The following ACO1 variants were observed in gnomAD, a reference collection of about 807,000 sequenced individuals.
ACO1 encodes cytoplasmic aconitate hydratase.
ACO1 carries 78 observed loss-of-function variants against 105.1 expected under a neutral mutation model. The observed-to-expected ratio is 0.74, with a 90% CI of 0.62 to 0.90. ACO1 has a LOEUF of 0.90. Among genes scored for constraint, ACO1 ranks in the 40% least tolerant of loss-of-function variants. ACO1 has a pLI of 0.00. For synonymous variants in ACO1, 364 were observed against 397.4 expected, an observed-to-expected ratio of 0.92 and a Z score of 1.00; for missense variants, 965 against 1,111.1, an observed-to-expected ratio of 0.87 and a Z score of 1.87.
At chr9:32,437,571 C>G (rs1016182194) in intron 18 of ACO1, among the ~76,000 whole-genome samples, 1 of 151,224 alleles carries the variant, frequency 6.6e-6, no homozygotes, top group Admixed American at 6.6e-5. Context: ...CCCTAATAAA[C>G]ATCACAGTGT....
chr9:32,448,185 G>A (rs1347039629), intron 19 of ACO1, among the ~76,000 whole-genome samples: 1 of 152,194 alleles, frequency 6.6e-6, no homozygotes, highest in African/African-American at 2.4e-5. Flanking sequence ...GGAGATGGGG[G>A]TGTTATCTAT....
rs1422968137 is a variant in ACO1, at chr9:32,452,060, G to A, written c.*1949G>A. 4 of 124,448 alleles carry A rather than the reference G, an allele frequency of 3.2e-5. No homozygotes were observed. Among genetic ancestry groups the A allele is most frequent in the South Asian group, 2.9e-4 (1 of 3,436 alleles). The allele number at this position is 124,448 out of a possible 1,614,324, so 7.7% of individuals were successfully genotyped here. A position where few individuals can be genotyped will look rare whatever the true frequency, so the allele number is the denominator to read the frequency against. On this transcript the variant is annotated 3_prime_UTR_variant, in exon 21 of 21. Coordinates refer to ENST00000309951, the MANE Select transcript of ACO1 (RefSeq NM_002197.3). The stretch of plus-strand genomic sequence containing the variant: ...GCCTGGGCTACAAGAGCAAAGCTCC[G>A]TCTCAAAAAAAAAAAAAAATTACAA...
At chr9:32,442,929 C>T in intron 19 of ACO1, among the ~76,000 whole-genome samples, 1 of 152,122 alleles carries the variant, frequency 6.6e-6, no homozygotes. Context: ...AGTGCCTCTA[C>T]ATTATGAGCA....
chr9:32,410,026 G>C (rs1382041415), intron 4 of ACO1, among the ~76,000 whole-genome samples: 1 of 152,180 alleles, frequency 6.6e-6, no homozygotes, highest in Non-Finnish European at 1.5e-5. Context: ...TAGGAGCCAA[G>C]TAGTAATGGT....
chr9:32,426,592 C>A (rs776907898), intron 11 of ACO1, among the ~76,000 whole-genome samples: 5 of 152,184 alleles, frequency 3.3e-5, no homozygotes, highest in Non-Finnish European at 7.3e-5. Context: ...GAAGCAGACA[C>A]GGGCATTAGG....
rs1416376400 is a variant in ACO1, at chr9:32,439,157, C to A, written c.2248-1308C>A. Among the ~76,000 whole-genome samples, 2 of 152,134 alleles carry A rather than the reference C, an allele frequency of 1.3e-5. No individual in the cohort carries two copies. Among genetic ancestry groups the A allele is most frequent in the Non-Finnish European group, 2.9e-5 (2 of 68,022 alleles). On this transcript the variant is annotated intron_variant, in intron 18 of 20. Transcript: ENST00000309951. The surrounding 1 kb of genome is among the most constrained non-coding windows in gnomAD (Gnocchi z 4.0). ...CTTTGCCATGAGATTGTCAACTTTG[C>A]AGTACTTTTTAAAGCACACACTCTC...
rs760606540 is a variant in ACO1 at position 32,418,485 on chromosome 9, T to C, written c.632T>C (p.Ile211Thr). The change falls in exon 6 of 21, where the codon ATT (isoleucine) becomes ACT (threonine). Residue 211 changes from isoleucine (I) to threonine (T), a missense_variant. Ile to Thr is a moderately conservative substitution (Grantham distance 89, BLOSUM62 -1). Coordinates refer to ENST00000309951, the MANE Select transcript of ACO1 (RefSeq NM_002197.3). The part of the protein sequence containing the change: ...LVGTDSHTTM[I>T]DGLGILGWGV... ...GGCACAGACTCGCACACTACCATGA[T>C]TGATGGCTTGGGCATTCTTGGTTGG... 1 of 1,613,618 alleles carries C rather than the reference T, an allele frequency of 6.2e-7. No homozygotes were observed. Among genetic ancestry groups the C allele is most frequent in the Non-Finnish European group, 8.5e-7 (1 of 1,179,518 alleles).
chr9:32,429,827 A>G (rs1465029162), intron 13 of ACO1, among the ~76,000 whole-genome samples: 1 of 152,208 alleles, frequency 6.6e-6, no homozygotes, highest in Non-Finnish European at 1.5e-5. Context: ...TTTCACTACA[A>G]AGGGCTCTAC....
At chr9:32,424,718 T>C in intron 10 of ACO1, 53 bp downstream of exon 10, 1 of 1,224,144 alleles carries the variant, frequency 8.2e-7, no homozygotes, top group Non-Finnish European at 1.2e-6. Flanking sequence ...TCTTGCCTGG[T>C]TACTCAGCGT....
intron 1 of ACO1, among the ~76,000 whole-genome samples, chr9:32,399,215 A>G (rs1821436935): frequency 1.3e-5 from 2 of 152,214 alleles, no homozygotes; most frequent in Non-Finnish European, 2.9e-5. Context: ...TTAATAGCTC[A>G]GTTAAGTCCC....
chr9:32,426,240 G>A (rs1160621992), intron 11 of ACO1, among the ~76,000 whole-genome samples: 1 of 152,212 alleles, frequency 6.6e-6, no homozygotes, highest in African/African-American at 2.4e-5. Context: ...AATAAGTAGA[G>A]GAAAGCAAAG....
chr9:32,429,851 A>G (rs1223767020), intron 13 of ACO1, among the ~76,000 whole-genome samples: 1 of 152,210 alleles, frequency 6.6e-6, no homozygotes, highest in Non-Finnish European at 1.5e-5. Flanking sequence ...TGTTTGTTAT[A>G]GGTATTGGGT....
chr9:32,440,339 A>C lies in ACO1; in HGVS notation c.2248-126A>C. On this transcript the variant is annotated intron_variant, in intron 18 of 20. Transcript: ENST00000309951. ...GATCAAGATAATTGGGAATTTGTAG[A>C]CAAGATGATTGGACGGATTTGGCCA... 6.4e-6 allele frequency: 6 copies of C among 940,444 alleles called. No homozygotes were observed. The Admixed American group carries it at 7.0e-5, about 11-fold the overall frequency. 58.3% of individuals were successfully genotyped at this position (940,444 alleles called of 1,614,324 possible). A position where few individuals can be genotyped will look rare whatever the true frequency, so the allele number is the denominator to read the frequency against.
intron 12 of ACO1, among the ~76,000 whole-genome samples, chr9:32,428,258 T>G (rs1412138944): frequency 1.4e-5 from 2 of 138,146 alleles, no homozygotes; most frequent in Non-Finnish European, 3.1e-5. Flanking sequence ...TACTCCAGTT[T>G]GGGTGACAGC....
rs762781546 is a variant in ACO1, at chr9:32,430,483, C to T, written c.1635C>T (p.Asn545=). The T allele has an allele frequency of 6.2e-7, 1 of 1,612,352 alleles. No homozygotes were observed. Among genetic ancestry groups the T allele is most frequent in the South Asian group, 1.1e-5 (1 of 90,488 alleles). Residue 545 remains asparagine (N), a synonymous_variant, in exon 14 of 21, where the codon AAC becomes AAT. Transcript: ENST00000309951. The part of the protein sequence containing the change: ...NRNFEGRVHP[N]TRANYLASPP... ...ATTTTGAAGGTCGAGTTCACCCCAACACCCGGGCCAACTATTTAGCCTCTC... is the reference window on the plus strand; with the variant it reads ...ATTTTGAAGGTCGAGTTCACCCCAATACCCGGGCCAACTATTTAGCCTCTC...
intron 4 of ACO1, among the ~76,000 whole-genome samples, chr9:32,409,343 G>T (rs564344001): frequency 3.3e-5 from 5 of 152,288 alleles, no homozygotes; most frequent in Admixed American, 3.3e-4. Context: ...GAGCTGAGCA[G>T]ATAAATAGGC....
intron 1 of ACO1, among the ~76,000 whole-genome samples, chr9:32,402,450 T>C (rs1000032785): frequency 6.6e-5 from 10 of 152,182 alleles, no homozygotes; most frequent in African/African-American, 1.4e-4. Flanking sequence ...AAGAACAAAG[T>C]AGCAGGAGGA....
At position 32,413,060 on chromosome 9, in the gene ACO1, G is replaced by A. The variant is rs1671353949; in HGVS notation, c.404+4409G>A. Among the ~76,000 whole-genome samples the A allele has an allele frequency of 2.0e-5, 3 of 151,340 alleles. No individual in the cohort carries two copies. In the South Asian group the frequency reaches 6.2e-4, roughly 31 times the overall value. On this transcript the variant is annotated intron_variant, in intron 4 of 20. Coordinates refer to ENST00000309951, the MANE Select transcript of ACO1 (RefSeq NM_002197.3). ...TTTTAGACCTTGACTCTAATCAATTGTGGTTTCAGTTTTTTATAGACCTTT... is the reference window on the plus strand; with the variant it reads ...TTTTAGACCTTGACTCTAATCAATTATGGTTTCAGTTTTTTATAGACCTTT...
At position 32,436,541 on chromosome 9, in the gene ACO1, C is replaced by T. The variant is rs1490181324; in HGVS notation, c.2247+144C>T. The T allele has an allele frequency of 3.4e-6, 3 of 887,060 alleles. No homozygotes were observed. The African/African-American group carries it at 5.0e-5, about 15-fold the overall frequency. 54.9% of individuals were successfully genotyped at this position (887,060 alleles called of 1,614,324 possible). A position where few individuals can be genotyped will look rare whatever the true frequency, so the allele number is the denominator to read the frequency against. On this transcript the variant is annotated intron_variant, in intron 18 of 20. Coordinates refer to ENST00000309951, the MANE Select transcript of ACO1 (RefSeq NM_002197.3). The stretch of plus-strand genomic sequence containing the variant: ...AACTACAGTCCTCCTTGCCAGGTGT[C>T]CATATGCATAGAATGTATCATTGAC...
Sources: gnomAD v4.1 joint callset for allele counts (sites outside exome capture counted in the v4.1 genomes callset) on GRCh38, gnomAD v4.1.1 for gene constraint, Gnocchi (gnomAD v3.1) non-coding constraint, MANE v1.5 for transcripts, NCBI Gene and HGNC (gene_info 2026-07-23, HGNC 2026-07-21) for gene names.